The following MITF variants were observed in gnomAD, a reference collection of about 807,000 sequenced individuals.
The protein encoded by MITF is microphthalmia-associated transcription factor.
Under a neutral mutation model 60.5 loss-of-function variants are expected in MITF, and 17 were observed. That is an observed-to-expected ratio of 0.28 (90% CI 0.19 to 0.42). MITF has a LOEUF of 0.42. MITF is among the 10% of genes least tolerant of loss of function. The pLI is 1.00. For missense variants in MITF, 622 were observed against 683.5 expected (o/e 0.91, Z 1.00); for synonymous variants, 260 against 248.5 (o/e 1.05, Z -0.43).
intron 2 of MITF, among the ~76,000 whole-genome samples, chr3:69,919,419 A>G (rs915567055): frequency 6.6e-6 from 1 of 152,188 alleles, no homozygotes; most frequent in Non-Finnish European, 1.5e-5. Context: ...TAGGGAGGCA[A>G]ATAATAAAAT....
chr3:69,838,082 A>G (rs1220875596), intron 1 of MITF, among the ~76,000 whole-genome samples: 1 of 152,220 alleles, frequency 6.6e-6, no homozygotes, highest in Non-Finnish European at 1.5e-5. Flanking sequence ...TAGCATTTCT[A>G]ATTATTATTA....
chr3:69,813,797 A>G (rs2063138182), intron 1 of MITF, among the ~76,000 whole-genome samples: 1 of 152,238 alleles, frequency 6.6e-6, no homozygotes, highest in African/African-American at 2.4e-5. Context: ...GTTATGAACA[A>G]AAAGTGAGAA....
In MITF at chr3:69,908,385, G is replaced by A. The variant is rs985036215; in HGVS notation, c.354+29002G>A. On this transcript the variant is annotated intron_variant, in intron 2 of 9. Coordinates refer to ENST00000352241, the MANE Select transcript of MITF (RefSeq NM_001354604.2). The stretch of plus-strand genomic sequence containing the variant: ...AAAAAACTCTTCTACATCATTTATC[G>A]CTCCTTTATTTGGCAGGAGTTTTCA... 8.6e-5 allele frequency among the ~76,000 whole-genome samples: 13 copies of A among 151,790 alleles called. No individual in the cohort carries two copies. In the South Asian group the frequency reaches 1.2e-3, roughly 15 times the overall value.
rs192167012 is a variant in MITF, at chr3:69,746,998, T to C, written c.104+7297T>C. Among the ~76,000 whole-genome samples the C allele has an allele frequency of 5.5e-3, 837 of 152,348 alleles. 13 individuals are homozygous for C. Among genetic ancestry groups the C allele is most frequent in the African/African-American group, 0.019 (806 of 41,578 alleles). ...CCCTCCTGTGGCTTTGGATGCATGCTGTGAAGAGTAGAGAAGTAGACCTTT... is the reference window on the plus strand; with the variant it reads ...CCCTCCTGTGGCTTTGGATGCATGCCGTGAAGAGTAGAGAAGTAGACCTTT... On this transcript the variant is annotated intron_variant, in intron 1 of 9. Transcript: ENST00000352241.
chr3:69,825,538 T>C (rs1288610730), intron 1 of MITF, among the ~76,000 whole-genome samples: 1 of 152,196 alleles, frequency 6.6e-6, no homozygotes, highest in African/African-American at 2.4e-5. Flanking sequence ...AGTGATAATA[T>C]CTACATTGAT....
At chr3:69,754,282 T>A (rs1704047139) in intron 1 of MITF, among the ~76,000 whole-genome samples, 1 of 151,854 alleles carries the variant, frequency 6.6e-6, no homozygotes, top group African/African-American at 2.4e-5. Context: ...AGTGGCATGA[T>A]CTAGGCTTAC....
At chr3:69,937,430 G>A (rs1355447089) in intron 2 of MITF, among the ~76,000 whole-genome samples, 3 of 150,804 alleles carry the variant, frequency 2.0e-5, no homozygotes, top group African/African-American at 4.9e-5. Flanking sequence ...TGTTCTGTTC[G>A]CCAAGGAAAG....
chr3:69,837,649 A>G (rs934252455), intron 1 of MITF, among the ~76,000 whole-genome samples: 1 of 152,228 alleles, frequency 6.6e-6, no homozygotes, highest in Non-Finnish European at 1.5e-5. Context: ...CTGAAATCCA[A>G]AATTCTCTGA....
intron 1 of MITF, among the ~76,000 whole-genome samples, chr3:69,757,047 A>C (rs895362142): frequency 6.6e-6 from 1 of 151,970 alleles, no homozygotes; most frequent in Non-Finnish European, 1.5e-5. Flanking sequence ...TGTTAGATGG[A>C]TAGATTGCAA....
At chr3:69,792,702 C>T (rs1189612494) in intron 1 of MITF, among the ~76,000 whole-genome samples, 1 of 152,190 alleles carries the variant, frequency 6.6e-6, no homozygotes, top group African/African-American at 2.4e-5. Context: ...ATTTTATTGG[C>T]ATCTCTCCAA....
At chr3:69,901,732 A>G (rs2064999434) in intron 2 of MITF, among the ~76,000 whole-genome samples, 1 of 152,212 alleles carries the variant, frequency 6.6e-6, no homozygotes, top group Non-Finnish European at 1.5e-5. Context: ...GCAAGCATTT[A>G]AAATAACCCT....
intron 2 of MITF, among the ~76,000 whole-genome samples, chr3:69,925,591 CT>C (rs1345783663): frequency 6.6e-6 from 1 of 152,226 alleles, no homozygotes; most frequent in Non-Finnish European, 1.5e-5. Context: ...ATCTCAATGG[CT>C]TCTTACAAGT....
Position 69,966,455 on chromosome 3 carries a change from T to C in MITF, c.*1207T>C. The stretch of plus-strand genomic sequence containing the variant: ...GCTTTCTAGAAAGAATAAACTTACA[T>C]ATTTATTTTTAGGACATGAAAATAG... On this transcript the variant is annotated 3_prime_UTR_variant, in exon 10 of 10. Transcript: ENST00000352241. 4.3e-6 allele frequency: 1 copy of C among 232,782 alleles called. No homozygotes were observed. Among genetic ancestry groups the C allele is most frequent in the Non-Finnish European group, 8.5e-6 (1 of 117,520 alleles). 14.4% of individuals were successfully genotyped at this position (232,782 alleles called of 1,614,324 possible).
At chr3:69,926,652 C>T (rs536098767) in intron 2 of MITF, among the ~76,000 whole-genome samples, 6 of 152,096 alleles carry the variant, frequency 3.9e-5, no homozygotes, top group Non-Finnish European at 8.8e-5. Flanking sequence ...ATGCTGCACT[C>T]GCAGCTCCCA....
intron 1 of MITF, among the ~76,000 whole-genome samples, chr3:69,832,978 G>A (rs1446048019): frequency 2.0e-5 from 3 of 150,884 alleles, no homozygotes; most frequent in Non-Finnish European, 4.4e-5. Context: ...GTATGTGATT[G>A]TTTCTCTGTT....
At chr3:69,908,849 A>C (rs567525224) in intron 2 of MITF, among the ~76,000 whole-genome samples, 164 of 152,320 alleles carry the variant, frequency 1.1e-3, no homozygotes, top group African/African-American at 3.9e-3. Context: ...TAAGATTTGT[A>C]TTAAGGTTAG....
At chr3:69,759,237 A>G (rs570188772) in intron 1 of MITF, among the ~76,000 whole-genome samples, 2 of 152,292 alleles carry the variant, frequency 1.3e-5, no homozygotes, top group South Asian at 2.1e-4. Flanking sequence ...TTGTTGATTC[A>G]TTAACGTTGA....
intron 6 of MITF, among the ~76,000 whole-genome samples, chr3:69,949,692 A>C (rs1486857381): frequency 2.0e-5 from 3 of 152,184 alleles, no homozygotes; most frequent in East Asian, 1.9e-4. Flanking sequence ...GAGGGGAAAA[A>C]ATTATAAAAT....
intron 4 of MITF, 96 bp downstream of exon 4, chr3:69,939,277 T>TC: frequency 8.9e-7 from 1 of 1,129,100 alleles, no homozygotes; most frequent in Non-Finnish European, 1.3e-6. Context: ...AGCATTTTTT[T>TC]CCCCCATTGT....
Sources: allele counts gnomAD v4.1 joint callset (sites outside exome capture counted in the v4.1 genomes callset), GRCh38; gene constraint gnomAD v4.1.1; transcripts MANE v1.5; gene names NCBI Gene and HGNC (gene_info 2026-07-23, HGNC 2026-07-21).